GGT1: variants seen among roughly 807,000 people sequenced by gnomAD.
GGT1 encodes glutathione hydrolase 1 proenzyme.
Under a neutral mutation model 56.0 loss-of-function variants are expected in GGT1, and 21 were observed. The ratio of observed to expected loss-of-function variants is 0.38; its 90% CI spans 0.27 to 0.54. GGT1 has a LOEUF of 0.54. Among genes scored for constraint, GGT1 ranks in the 20% least tolerant of loss-of-function variants. GGT1 has a pLI of 0.82. For missense variants in GGT1, 466 were observed against 787.0 expected (o/e 0.59, Z 4.88); for synonymous variants, 238 against 342.6 (o/e 0.69, Z 3.37).
chr22:24,620,204 T>C lies in GGT1; in HGVS notation c.383-124T>C, dbSNP rs2047335408. 2.5e-6 allele frequency: 3 copies of C among 1,190,322 alleles called. No homozygotes were observed. The highest frequency in any genetic ancestry group is 3.2e-5 in the Admixed American group (1 of 31,286). The allele number at this position is 1,190,322 out of a possible 1,614,324, so 73.7% of individuals were successfully genotyped here. The stretch of plus-strand genomic sequence containing the variant: ...CAACTCAAAAAAGAAAAAAAAAAAA[T>C]CTTTCCTCCTAAGCCTCATTGCCCC... On this transcript the variant is annotated intron_variant, in intron 7 of 15. Transcript: ENST00000400382. This position sits in a 1 kb window ranked among gnomAD's most constrained non-coding sequence, Gnocchi z 5.6.
chr22:24,589,116 G>T, the GGT1 span: 24 of 1,103,168 alleles, frequency 2.2e-5, no homozygotes, highest in African/African-American at 3.4e-5. Context: ...AGAGCTGGCA[G>T]GGCCCAGAGC....
At chr22:24,588,686 G>T in the GGT1 span, 7 of 1,104,296 alleles carry the variant, frequency 6.3e-6, no homozygotes, top group Middle Eastern at 4.3e-4. Flanking sequence ...TGCCACAGGG[G>T]GAGGAGGCCA....
the GGT1 span, among the ~76,000 whole-genome samples, chr22:24,584,269 A>T: frequency 6.6e-6 from 1 of 152,074 alleles, no homozygotes; most frequent in Admixed American, 6.6e-5. Context: ...TATTTAACAG[A>T]GGGGAGGGAG....
intron 7 of GGT1, among the ~76,000 whole-genome samples, chr22:24,617,706 G>A (rs568350491): frequency 6.6e-6 from 1 of 152,142 alleles, no homozygotes; most frequent in East Asian, 1.9e-4. Flanking sequence ...TTTTGGGCAC[G>A]TTGAAGTTTG....
chr22:24,614,476 C>T (rs1164528336), intron 5 of GGT1, among the ~76,000 whole-genome samples: 2 of 148,812 alleles, frequency 1.3e-5, no homozygotes, highest in Non-Finnish European at 3.0e-5. Flanking sequence ...ATTAGCTGGG[C>T]GTGGTGGCAT....
chr22:24,597,174 C>G (rs113008691), intron 1 of GGT1, among the ~76,000 whole-genome samples: 6,036 of 151,378 alleles, frequency 0.04, 392 homozygotes, highest in African/African-American at 0.14. Flanking sequence ...GTAGAGACAG[C>G]GTTTCACCAT....
At position 24,605,931 on chromosome 22, in the gene GGT1, T is replaced by A. The variant is rs868484816; in HGVS notation, c.-428-2023T>A. ...ATATTATATGATGTGTATTATATAT[T>A]ATATATAATATATAATATTATATAT... On this transcript the variant is annotated intron_variant, in intron 1 of 15. Coordinates refer to ENST00000400382, the MANE Select transcript of GGT1 (RefSeq NM_001288833.2). Among the ~76,000 whole-genome samples the A allele has an allele frequency of 2.1e-4, 16 of 74,814 alleles. 3 individuals carry two copies. Among genetic ancestry groups the A allele is most frequent in the East Asian group, 1.0e-3 (3 of 2,910 alleles). The allele number at this position is 74,814 out of a possible 152,430, so 49.1% of individuals were successfully genotyped here. A position where few individuals can be genotyped will look rare whatever the true frequency, so the allele number is the denominator to read the frequency against.
chr22:24,588,923 C>A, the GGT1 span: 1 of 1,002,260 alleles, frequency 1.0e-6, no homozygotes, highest in Non-Finnish European at 1.2e-6. Context: ...GGGTGGAATC[C>A]GAGGTGCGCG....
chr22:24,587,633 A>G, the GGT1 span, among the ~76,000 whole-genome samples: 2,312 of 152,236 alleles, frequency 0.015, 72 homozygotes, highest in African/African-American at 0.052. Context: ...GTGAGGCTCC[A>G]TGGATGGAGT....
chr22:24,625,783 C>A (rs2047716506), intron 11 of GGT1, among the ~76,000 whole-genome samples: 1 of 151,238 alleles, frequency 6.6e-6, no homozygotes, highest in African/African-American at 2.4e-5. Context: ...CCTGCCTCGG[C>A]CTCCCAAAGT....
Position 24,620,131 on chromosome 22 carries a change from G to C in GGT1, c.383-197G>C, listed in dbSNP as rs1407319558. On this transcript the variant is annotated intron_variant, in intron 7 of 15. Coordinates refer to ENST00000400382, the MANE Select transcript of GGT1 (RefSeq NM_001288833.2). This position sits in a 1 kb window ranked among gnomAD's most constrained non-coding sequence, Gnocchi z 5.6. ...CTCAGGAGGCTGAGGTGGGAGGATC[G>C]CTTGAATCCAGGAGTTCGAGATCGG... is the stretch of plus-strand genomic sequence containing the variant. 6.6e-6 allele frequency among the ~76,000 whole-genome samples: 1 copy of C among 152,038 alleles called. No homozygotes were observed. The highest frequency in any genetic ancestry group is 1.5e-5 in the Non-Finnish European group (1 of 67,996).
chr22:24,600,594 G>A (rs546409726), upstream of GGT1, among the ~76,000 whole-genome samples: 13 of 152,234 alleles, frequency 8.5e-5, no homozygotes, highest in Non-Finnish European at 1.9e-4. Flanking sequence ...AAATGGCACT[G>A]GGGGTGTTGG....
chr22:24,619,911 C>T (rs1474081703), intron 7 of GGT1, among the ~76,000 whole-genome samples: 3 of 150,790 alleles, frequency 2.0e-5, no homozygotes, highest in African/African-American at 2.5e-5. Flanking sequence ...AAAACCCAGC[C>T]GCATGCTACT....
intron 11 of GGT1, among the ~76,000 whole-genome samples, chr22:24,625,089 T>C (rs1375043246): frequency 6.6e-6 from 1 of 152,186 alleles, no homozygotes; most frequent in African/African-American, 2.4e-5. Flanking sequence ...ATTTCCTAAC[T>C]CTCTCCGTCT....
At chr22:24,615,268 C>G (rs2046986779) in intron 7 of GGT1, 141 bp downstream of exon 7, 1 of 633,668 alleles carries the variant, frequency 1.6e-6, no homozygotes, top group Admixed American at 2.9e-5. Flanking sequence ...CCATAGCACC[C>G]TCCCACAATG....
At chr22:24,585,136 C>T in the GGT1 span, among the ~76,000 whole-genome samples, 4 of 152,186 alleles carry the variant, frequency 2.6e-5, no homozygotes, top group Admixed American at 2.6e-4. Flanking sequence ...TCGCCAAGTA[C>T]AAGAGGCCTG....
chr22:24,617,181 T>C (rs2047125167), intron 7 of GGT1, among the ~76,000 whole-genome samples: 1 of 152,144 alleles, frequency 6.6e-6, no homozygotes, highest in African/African-American at 2.4e-5. Context: ...AGGGGACATC[T>C]GAGCAAAGAC....
chr22:24,602,797 G>A (rs952992966), upstream of GGT1, among the ~76,000 whole-genome samples: 1 of 152,206 alleles, frequency 6.6e-6, no homozygotes, highest in Non-Finnish European at 1.5e-5. Context: ...TGGGGTTGTA[G>A]AGGTGAACTA....
At chr22:24,592,731 C>T (rs996559205), upstream of GGT1, 1 of 1,294,752 alleles carries the variant, frequency 7.7e-7, no homozygotes, top group South Asian at 1.6e-5. Flanking sequence ...CGCCTGCGCG[C>T]GCCAGAGACC....
Sources: gnomAD v4.1 joint callset for allele counts (sites outside exome capture counted in the v4.1 genomes callset) on GRCh38, gnomAD v4.1.1 for gene constraint, Gnocchi (gnomAD v3.1) non-coding constraint, MANE v1.5 for transcripts, NCBI Gene and HGNC (gene_info 2026-07-23, HGNC 2026-07-21) for gene names.